Variants in PPM1L observed in about 807,000 individuals in gnomAD.
The protein encoded by PPM1L is protein phosphatase 1L.
PPM1L carries 13 observed loss-of-function variants against 31.4 expected under a neutral mutation model. That is an observed-to-expected ratio of 0.41 (90% confidence interval 0.27 to 0.66). The LOEUF is 0.66. Ranked by LOEUF, PPM1L falls within the 30% of genes least tolerant of loss-of-function variation. The pLI is 0.29. For synonymous variants in PPM1L, 184 were observed against 175.4 expected (o/e 1.05, Z -0.39); for missense variants, 326 against 453.7 (o/e 0.72, Z 2.56).
intron 2 of PPM1L, among the ~76,000 whole-genome samples, chr3:161,055,720 CCCTTTCGCCT>C (rs893681993): frequency 3.9e-5 from 6 of 151,946 alleles, no homozygotes; most frequent in Non-Finnish European, 8.8e-5. Flanking sequence ...ATGTCTCGCC[CCCTTTCGCCT>C]CCTCCCCTTC....
At position 160,951,181 on chromosome 3, in the gene PPM1L, C is replaced by T. The variant is rs146359709; in HGVS notation, c.400-10555C>T. On this transcript the variant is annotated intron_variant, in intron 1 of 3. Coordinates refer to ENST00000498165, the MANE Select transcript of PPM1L (RefSeq NM_139245.4). ...TTCTCAACAGATTGATGAGAAAGTC[C>T]GACATTAGGCTGTTTTTATGTTGCC... 6.8e-4 allele frequency among the ~76,000 whole-genome samples: 104 copies of T among 152,240 alleles called. 1 individual carries two copies. Among genetic ancestry groups the T allele is most frequent in the Admixed American group, 1.5e-3 (23 of 15,288 alleles).
At chr3:161,025,149 T>G (rs1198106297) in intron 2 of PPM1L, among the ~76,000 whole-genome samples, 1 of 152,174 alleles carries the variant, frequency 6.6e-6, no homozygotes, top group Non-Finnish European at 1.5e-5. Context: ...GTGCTATGGT[T>G]TGAATGTTTT....
chr3:161,039,749 C>T (rs1200414626), intron 2 of PPM1L, among the ~76,000 whole-genome samples: 3 of 152,104 alleles, frequency 2.0e-5, no homozygotes, highest in Admixed American at 1.3e-4. Flanking sequence ...ATCTCCTGAC[C>T]TCGTGATCCG....
At chr3:161,010,089 G>T (rs1327630839) in intron 2 of PPM1L, among the ~76,000 whole-genome samples, 1 of 151,966 alleles carries the variant, frequency 6.6e-6, no homozygotes, top group Non-Finnish European at 1.5e-5. Context: ...GCACCATGTG[G>T]GTGTGCTGCA....
At chr3:161,009,117 T>C (rs978166641) in intron 2 of PPM1L, among the ~76,000 whole-genome samples, 49 of 152,322 alleles carry the variant, frequency 3.2e-4, no homozygotes, top group Non-Finnish European at 1.0e-4. Context: ...TATCCCTTTT[T>C]GAATGACTCT....
At chr3:160,967,164 G>C (rs984333345) in intron 2 of PPM1L, among the ~76,000 whole-genome samples, 1 of 151,908 alleles carries the variant, frequency 6.6e-6, no homozygotes. Flanking sequence ...TGCTCTTCTC[G>C]TATGCCACCA....
At chr3:161,000,357 G>C (rs1717444031) in intron 2 of PPM1L, among the ~76,000 whole-genome samples, 1 of 152,148 alleles carries the variant, frequency 6.6e-6, no homozygotes, top group Non-Finnish European at 1.5e-5. Context: ...GACCTTTCAG[G>C]AGCACACACA....
At chr3:160,812,325 C>T (rs1053140555) in intron 1 of PPM1L, among the ~76,000 whole-genome samples, 1 of 152,154 alleles carries the variant, frequency 6.6e-6, no homozygotes, top group African/African-American at 2.4e-5. Flanking sequence ...TAAGTTGTCA[C>T]TGTGATTTCC....
intron 1 of PPM1L, among the ~76,000 whole-genome samples, chr3:160,890,508 C>T (rs895963084): frequency 1.3e-5 from 2 of 152,124 alleles, no homozygotes; most frequent in African/African-American, 2.4e-5. Context: ...ACATTTCATC[C>T]TCATGGATAG....
intron 1 of PPM1L, among the ~76,000 whole-genome samples, chr3:160,852,853 T>TTTA (rs1212182608): frequency 6.6e-6 from 1 of 152,238 alleles, no homozygotes; most frequent in Non-Finnish European, 1.5e-5. Context: ...CATTTCATCT[T>TTTA]TTAACTGAAA....
chr3:160,914,428 A>G (rs1326816471), intron 1 of PPM1L, among the ~76,000 whole-genome samples: 1 of 145,050 alleles, frequency 6.9e-6, no homozygotes, highest in Non-Finnish European at 1.5e-5. Context: ...TCCTAATGCT[A>G]TACCTCCCCC....
At chr3:161,003,249 G>A (rs1452264343) in intron 2 of PPM1L, among the ~76,000 whole-genome samples, 1 of 149,854 alleles carries the variant, frequency 6.7e-6, no homozygotes, top group Non-Finnish European at 1.5e-5. Context: ...TAGCCTTGTA[G>A]TATAGTTTGA....
chr3:160,955,486 T>C (rs910086171), intron 1 of PPM1L, among the ~76,000 whole-genome samples: 2 of 152,144 alleles, frequency 1.3e-5, no homozygotes, highest in Non-Finnish European at 2.9e-5. Context: ...TGCGTATTTT[T>C]GCATTACTTT....
At chr3:160,940,862 G>T (rs1477486156) in intron 1 of PPM1L, among the ~76,000 whole-genome samples, 1 of 152,138 alleles carries the variant, frequency 6.6e-6, no homozygotes, top group Non-Finnish European at 1.5e-5. Flanking sequence ...TCCCAGAATG[G>T]TAGATCCACC....
intron 1 of PPM1L, among the ~76,000 whole-genome samples, chr3:160,927,493 G>A (rs1275395589): frequency 6.6e-6 from 1 of 151,860 alleles, no homozygotes; most frequent in Non-Finnish European, 1.5e-5. Context: ...TGATGCTGAT[G>A]AATTTTCTTT....
intron 2 of PPM1L, among the ~76,000 whole-genome samples, chr3:161,041,322 G>A (rs138479618): frequency 6.6e-6 from 1 of 152,140 alleles, no homozygotes; most frequent in Admixed American, 6.5e-5. Flanking sequence ...TTTGATTGAT[G>A]TCTCATGCCT....
At chr3:161,055,451 A>G (rs1409649607) in intron 2 of PPM1L, among the ~76,000 whole-genome samples, 3 of 152,070 alleles carry the variant, frequency 2.0e-5, no homozygotes. Context: ...TTCATTAATG[A>G]CTGCCTTCAC....
intron 2 of PPM1L, among the ~76,000 whole-genome samples, chr3:161,037,277 C>T (rs1003964573): frequency 2.6e-5 from 4 of 152,100 alleles, no homozygotes; most frequent in African/African-American, 7.2e-5. Context: ...GAATCACATG[C>T]TCAGGGGGAA....
chr3:160,862,592 C>T lies in PPM1L; in HGVS notation c.400-99144C>T, dbSNP rs79082441. ...TGAGCAACCTGTTTGACTCAGGTCC[C>T]GGTGAGAGGGCAGTCTTACATAGGA... On this transcript the variant is annotated intron_variant, in intron 1 of 3. Coordinates refer to ENST00000498165, the MANE Select transcript of PPM1L (RefSeq NM_139245.4). Among the ~76,000 whole-genome samples the T allele has an allele frequency of 3.2e-4, 49 of 151,052 alleles. No individual in the cohort carries two copies. The East Asian group carries it at 3.9e-3, about 12-fold the overall frequency.
Sources: allele counts gnomAD v4.1 joint callset (sites outside exome capture counted in the v4.1 genomes callset), GRCh38; gene constraint gnomAD v4.1.1; transcripts MANE v1.5; gene names NCBI Gene and HGNC (gene_info 2026-07-23, HGNC 2026-07-21).